Variants in RICTOR observed in about 807,000 individuals in gnomAD.
The protein encoded by RICTOR is rapamycin-insensitive companion of mTOR.
RICTOR carries 49 observed loss-of-function variants against 214.9 expected under a neutral mutation model. The ratio of observed to expected loss-of-function variants is 0.23; its 90% CI spans 0.18 to 0.29. The LOEUF is 0.29. Ranked by LOEUF, RICTOR falls within the 10% of genes least tolerant of loss-of-function variation. The probability of loss-of-function intolerance (pLI) is 1.00; values close to 1 mark genes in which losing one functional copy is unlikely to be tolerated. For missense variants in RICTOR, 1,625 were observed against 2,047.0 expected (o/e 0.79, Z 3.98); for synonymous variants, 717 against 711.3 (o/e 1.01, Z -0.13).
Position 38,958,716 on chromosome 5 carries a change from GT to G in RICTOR, c.2293del (p.Thr765ArgfsTer26). On this transcript the variant is annotated frameshift_variant, in exon 23 of 38. Coordinates refer to ENST00000357387, the MANE Select transcript of RICTOR (RefSeq NM_152756.5). LOFTEE classifies it high-confidence loss of function. ...LVTQLHDKNK[T>X]ISSEALDILD... ...GATATCAAGAGCTTCAGAGGAAATC[GT>G]TTTGTTTTTATCATGTAGCTGGGTC... 6.2e-7 allele frequency: 1 copy of G among 1,611,500 alleles called. No individual in the cohort carries two copies. Among genetic ancestry groups the G allele is most frequent in the Non-Finnish European group, 8.5e-7 (1 of 1,178,850 alleles).
At chr5:39,069,733 G>C (rs1261067489) in intron 2 of RICTOR, among the ~76,000 whole-genome samples, 1 of 152,128 alleles carries the variant, frequency 6.6e-6, no homozygotes, top group East Asian at 1.9e-4. Flanking sequence ...TCTATCATCC[G>C]TCAGATTATA....
At chr5:39,020,675 T>G (rs1004990093) in intron 3 of RICTOR, among the ~76,000 whole-genome samples, 2 of 152,234 alleles carry the variant, frequency 1.3e-5, no homozygotes, top group African/African-American at 2.4e-5. Flanking sequence ...GACACTTTAT[T>G]GCACTGGTTT....
At chr5:39,054,764 C>T (rs1249843064) in intron 2 of RICTOR, among the ~76,000 whole-genome samples, 3 of 152,172 alleles carry the variant, frequency 2.0e-5, no homozygotes, top group East Asian at 1.9e-4. Context: ...ATGTTATATA[C>T]TCATTAAATA....
chr5:38,984,628 A>C (rs1300620448), intron 7 of RICTOR, among the ~76,000 whole-genome samples: 1 of 152,124 alleles, frequency 6.6e-6, no homozygotes, highest in African/African-American at 2.4e-5. Flanking sequence ...GTCTTTTTAA[A>C]AAATCCTCAA....
At chr5:39,012,074 T>C (rs530709629) in intron 3 of RICTOR, among the ~76,000 whole-genome samples, 8 of 152,336 alleles carry the variant, frequency 5.3e-5, no homozygotes, top group South Asian at 2.1e-4. Flanking sequence ...ATAATCCCCA[T>C]GTGTCAAGGG....
In RICTOR at chr5:38,981,905, T is replaced by G; in HGVS notation, c.715A>C (p.Lys239Gln). The G allele has an allele frequency of 6.2e-7, 1 of 1,613,106 alleles. No individual in the cohort carries two copies. The highest frequency in any genetic ancestry group is 1.1e-5 in the South Asian group (1 of 91,028). The change falls in exon 8 of 38, where the codon AAG becomes CAG. Residue 239 changes from lysine to glutamine, a missense_variant. Around this residue, in one of 5 missense-constraint regions of RICTOR, gnomAD observed 258 missense variants for 393.7 expected, o/e 0.66. Transcript: ENST00000357387. ...TTILHLLNHPKTRQYVRADVE... is the reference protein window; with the variant it reads ...TTILHLLNHPQTRQYVRADVE... ...TCAGCTCGCACATACTGTCGAGTCT[T>G]TGGATGATTAAGAAGGTGCAAAATT... is the stretch of plus-strand genomic sequence containing the variant.
At position 38,939,300 on chromosome 5, in the gene RICTOR, G is replaced by A. The variant is rs1747277670; in HGVS notation, c.*3004C>T. On this transcript the variant is annotated 3_prime_UTR_variant, in exon 38 of 38. Coordinates refer to ENST00000357387, the MANE Select transcript of RICTOR (RefSeq NM_152756.5). ...ATCTCAAGCTCTAGATAAAAGAGCT[G>A]AAACCCATTAAAGTTGTCATTTCAA... is the stretch of plus-strand genomic sequence containing the variant. 1 of 232,336 alleles carries A rather than the reference G, an allele frequency of 4.3e-6. No homozygotes were observed. The highest frequency in any genetic ancestry group is 8.5e-6 in the Non-Finnish European group (1 of 117,566). 14.4% of individuals were successfully genotyped at this position (232,336 alleles called of 1,614,324 possible).
At chr5:39,064,895 G>A (rs923242472) in intron 2 of RICTOR, among the ~76,000 whole-genome samples, 2 of 152,282 alleles carry the variant, frequency 1.3e-5, no homozygotes, top group African/African-American at 4.8e-5. Context: ...CAAGTATAAA[G>A]TAGTATGCAT....
rs200033623 is a variant in RICTOR at position 39,036,579 on chromosome 5, G to A, written c.98-15443C>T. 3.2e-4 allele frequency among the ~76,000 whole-genome samples: 49 copies of A among 152,122 alleles called. No homozygotes were observed. In the East Asian group the frequency reaches 7.1e-3, roughly 22 times the overall value. The stretch of plus-strand genomic sequence containing the variant: ...GCTGTATTCAGGAAACCCATCTCAC[G>A]TGCAGAGACACACATAGGCTCAAAA... On this transcript the variant is annotated intron_variant, in intron 2 of 37. Coordinates refer to ENST00000357387, the MANE Select transcript of RICTOR (RefSeq NM_152756.5).
At chr5:38,987,320 C>G (rs1301814078) in intron 7 of RICTOR, among the ~76,000 whole-genome samples, 2 of 152,126 alleles carry the variant, frequency 1.3e-5, no homozygotes, top group South Asian at 2.1e-4. Flanking sequence ...CTTTGTACCT[C>G]TGGTAGAATT....
intron 2 of RICTOR, among the ~76,000 whole-genome samples, chr5:39,037,254 G>T (rs550015883): frequency 1.3e-5 from 2 of 152,016 alleles, no homozygotes; most frequent in Non-Finnish European, 1.5e-5. Flanking sequence ...AAATAAAGAC[G>T]TTCTTTGAAA....
At chr5:39,061,501 G>T (rs900077241) in intron 2 of RICTOR, among the ~76,000 whole-genome samples, 7 of 151,780 alleles carry the variant, frequency 4.6e-5, no homozygotes, top group African/African-American at 1.5e-4. Flanking sequence ...AATATTCTTA[G>T]AAACAAACAT....
intron 3 of RICTOR, among the ~76,000 whole-genome samples, chr5:39,007,221 C>A (rs539125197): frequency 1.3e-5 from 2 of 152,224 alleles, no homozygotes; most frequent in East Asian, 3.9e-4. Flanking sequence ...CAGAAATGTA[C>A]TTTTTCATAA....
intron 6 of RICTOR, 65 bp from the exon 7 acceptor site, chr5:38,991,140 C>T: frequency 9.3e-7 from 1 of 1,080,846 alleles, no homozygotes; most frequent in East Asian, 2.7e-5. Flanking sequence ...CTATTTTGTC[C>T]AGACTGAAGT....
intron 10 of RICTOR, among the ~76,000 whole-genome samples, chr5:38,974,455 G>A (rs911832554): frequency 2.0e-5 from 3 of 152,162 alleles, no homozygotes; most frequent in African/African-American, 7.2e-5. Context: ...AGGAAGCGTA[G>A]AGTCTGGACG....
chr5:39,021,145 AAAGAC>A lies in RICTOR; in HGVS notation c.98-14_98-10del. ...TAAGTTATCAGAAGGTTCTAGAAGG[AAAGAC>A]AAGACAATTTAACACAATTTTATGA... On this transcript the variant is annotated splice_polypyrimidine_tract_variant and intron_variant, in intron 2 of 37. Transcript: ENST00000357387. 1 of 1,419,050 alleles carries A rather than the reference AAAGAC, an allele frequency of 7.0e-7. No individual in the cohort carries two copies. Among genetic ancestry groups the A allele is most frequent in the Non-Finnish European group, 1.0e-6 (1 of 1,002,170 alleles). 87.9% of individuals were successfully genotyped at this position (1,419,050 alleles called of 1,614,324 possible). A position where few individuals can be genotyped will look rare whatever the true frequency, so the allele number is the denominator to read the frequency against.
intron 37 of RICTOR, 54 bp downstream of exon 37, chr5:38,942,779 C>A: frequency 7.1e-7 from 1 of 1,400,612 alleles, no homozygotes. Flanking sequence ...TAATTCAATT[C>A]AAACACAGAA....
intron 2 of RICTOR, among the ~76,000 whole-genome samples, chr5:39,059,084 A>T (rs2150201844): frequency 6.6e-6 from 1 of 152,292 alleles, no homozygotes; most frequent in South Asian, 2.1e-4. Flanking sequence ...TGACAATCCT[A>T]AAGAATCCAT....
At chr5:39,048,281 T>C (rs1439253684) in intron 2 of RICTOR, among the ~76,000 whole-genome samples, 3 of 152,204 alleles carry the variant, frequency 2.0e-5, no homozygotes, top group Non-Finnish European at 4.4e-5. Context: ...CAGGCCTAAC[T>C]GCTTATCTTT....
Sources: gnomAD v4.1 joint callset for allele counts (sites outside exome capture counted in the v4.1 genomes callset) on GRCh38, gnomAD v4.1.1 for gene constraint, gnomAD v4.1.1 regional missense constraint, MANE v1.5 for transcripts, NCBI Gene and HGNC (gene_info 2026-07-23, HGNC 2026-07-21) for gene names.